The following AASS variants were observed in gnomAD, a reference collection of about 807,000 sequenced individuals.
The protein encoded by AASS is alpha-aminoadipic semialdehyde synthase, mitochondrial.
A neutral mutation model predicts 105.4 loss-of-function variants in AASS; 86 were observed. The observed-to-expected ratio is 0.82, with a 90% confidence interval of 0.69 to 0.98. The LOEUF (loss-of-function observed/expected upper bound fraction) is 0.98, where lower values mean the gene tolerates loss of function less well. Ranked by LOEUF, AASS falls within the 50% of genes least tolerant of loss-of-function variation. AASS has a pLI of 0.00. For missense variants in AASS, 1,048 were observed against 1,143.2 expected (o/e 0.92, Z 1.20); for synonymous variants, 381 against 394.8 (o/e 0.96, Z 0.41).
chr7:122,101,112 T>C lies in AASS; in HGVS notation c.1406+259A>G, dbSNP rs990114033. 1.5e-4 allele frequency among the ~76,000 whole-genome samples: 23 copies of C among 151,778 alleles called. No individual in the cohort carries two copies. The South Asian group carries it at 4.4e-3, about 29-fold the overall frequency. On this transcript the variant is annotated intron_variant, in intron 13 of 23. Coordinates refer to ENST00000417368, the MANE Select transcript of AASS (RefSeq NM_005763.4). ...GAAGCTACCTGAAGGACAATCCTTT[T>C]GGATTTTTGCTTGCTTACCCATACG...
chr7:122,094,416 T>C (rs1175755293), intron 15 of AASS, among the ~76,000 whole-genome samples: 1 of 152,174 alleles, frequency 6.6e-6, no homozygotes, highest in African/African-American at 2.4e-5. Flanking sequence ...TATTTTGTTT[T>C]TTTAATGAAC....
chr7:122,104,827 T>C (rs992682444), intron 11 of AASS, among the ~76,000 whole-genome samples: 2 of 152,126 alleles, frequency 1.3e-5, no homozygotes, highest in African/African-American at 4.8e-5. Flanking sequence ...TATCAGGTAC[T>C]ATGCTCACTA....
intron 1 of AASS, among the ~76,000 whole-genome samples, chr7:122,140,261 G>A (rs1039208334): frequency 3.3e-5 from 5 of 151,812 alleles, no homozygotes; most frequent in African/African-American, 1.2e-4. Flanking sequence ...TGAGGCAGGC[G>A]GATCACGAGG....
Position 122,115,129 on chromosome 7 carries a change from C to T in AASS, c.988G>A (p.Ala330Thr). 6.2e-7 allele frequency: 1 copy of T among 1,614,098 alleles called. No homozygotes were observed. Among genetic ancestry groups the T allele is most frequent in the Non-Finnish European group, 8.5e-7 (1 of 1,180,024 alleles). The change falls in exon 9 of 24, where the codon GCT (alanine) becomes ACT (threonine). Residue 330 changes from alanine (A) to threonine (T), a missense_variant. Ala to Thr is a moderately conservative substitution (Grantham distance 58). Transcript: ENST00000417368. ...LTRQDAQSLL[A>T]PGKFSPAGVE... ...CCAGCAGGTGAGAACTTGCCCGGAG[C>T]CAGGAGACTCTGAGCATCTTGGCGG... is the stretch of plus-strand genomic sequence containing the variant.
At position 122,119,038 on chromosome 7, in the gene AASS, C is replaced by T. The variant is rs1795321383; in HGVS notation, c.473-408G>A. On this transcript the variant is annotated intron_variant, in intron 4 of 23. Transcript: ENST00000417368. ...GCCTCCCATAACAAAAACAAATGAACAAACAAAAACAAAGTCACCATTAAC... is the reference window on the plus strand; with the variant it reads ...GCCTCCCATAACAAAAACAAATGAATAAACAAAAACAAAGTCACCATTAAC... Among the ~76,000 whole-genome samples, 3 of 152,004 alleles carry T rather than the reference C, an allele frequency of 2.0e-5. No homozygotes were observed. In the South Asian group the frequency reaches 6.2e-4, roughly 32 times the overall value.
chr7:122,142,543 C>T (rs1344122660), intron 1 of AASS, among the ~76,000 whole-genome samples: 2 of 152,084 alleles, frequency 1.3e-5, no homozygotes, highest in Admixed American at 6.6e-5. Context: ...TGTATTTCAT[C>T]AAATTTAAGA....
chr7:122,107,543 G>A (rs531105664), intron 11 of AASS, among the ~76,000 whole-genome samples: 18 of 152,104 alleles, frequency 1.2e-4, no homozygotes, highest in South Asian at 4.2e-4. Context: ...AGAACATGTG[G>A]TACACCATGG....
intron 20 of AASS, among the ~76,000 whole-genome samples, chr7:122,080,145 A>G (rs535377486): frequency 2.4e-4 from 36 of 152,326 alleles, no homozygotes; most frequent in African/African-American, 7.7e-4. Flanking sequence ...AAGAGATGAG[A>G]AAGTCCTTGC....
chr7:122,098,279 T>C (rs1794260101), intron 15 of AASS, among the ~76,000 whole-genome samples, 171 bp downstream of exon 15: 1 of 151,938 alleles, frequency 6.6e-6, no homozygotes, highest in African/African-American at 2.4e-5. Flanking sequence ...GTGTTCACTT[T>C]GTGAAAATTC....
chr7:122,119,197 T>A (rs969374820), intron 4 of AASS, among the ~76,000 whole-genome samples: 1 of 152,164 alleles, frequency 6.6e-6, no homozygotes, highest in African/African-American at 2.4e-5. Context: ...GCATCCCAAC[T>A]TGAAATTTTT....
intron 1 of AASS, among the ~76,000 whole-genome samples, chr7:122,134,182 C>T (rs1310799229): frequency 6.6e-6 from 1 of 152,138 alleles, no homozygotes; most frequent in Non-Finnish European, 1.5e-5. Context: ...TTAGTGCCAA[C>T]CTCTTTCCAG....
chr7:122,143,041 A>C (rs1358915343), intron 1 of AASS, among the ~76,000 whole-genome samples: 1 of 152,222 alleles, frequency 6.6e-6, no homozygotes, highest in Admixed American at 6.5e-5. Context: ...CAGGTTACAC[A>C]GTCAAGTCAT....
At position 122,111,052 on chromosome 7, in the gene AASS, A is replaced by G. The variant is rs1383255630; in HGVS notation, c.1278+2066T>C. ...ATCCACATCATCCAGGCCATAATCC[A>G]GAATTATTCAGTCTATGAAAACCAG... is the stretch of plus-strand genomic sequence containing the variant. On this transcript the variant is annotated intron_variant, in intron 11 of 23. Coordinates refer to ENST00000417368, the MANE Select transcript of AASS (RefSeq NM_005763.4). Among the ~76,000 whole-genome samples the G allele has an allele frequency of 5.3e-5, 8 of 152,162 alleles. No homozygotes were observed. The East Asian group carries it at 1.5e-3, about 29-fold the overall frequency.
intron 4 of AASS, among the ~76,000 whole-genome samples, chr7:122,125,430 G>A (rs937939927): frequency 6.6e-6 from 1 of 152,116 alleles, no homozygotes; most frequent in African/African-American, 2.4e-5. Context: ...TTTACTTCCT[G>A]CAGAAAGGGT....
At chr7:122,085,518 C>T (rs2215359) in intron 19 of AASS, among the ~76,000 whole-genome samples, 8,031 of 152,162 alleles carry the variant, frequency 0.053, 356 homozygotes, top group African/African-American at 0.12. Context: ...TTGACTCCAT[C>T]TCCAGTTCTA....
chr7:122,129,418 G>C lies in AASS; in HGVS notation c.330C>G (p.Ser110=), dbSNP rs748753593. The C allele has an allele frequency of 1.2e-6, 2 of 1,613,012 alleles. No individual in the cohort carries two copies. The highest frequency in any genetic ancestry group is 4.5e-5 in the East Asian group (2 of 44,748). ...TGGCCTCCTGAGCTTTTATTGTGTG[G>C]GAGAAAAATGCATAAGTCTTCCTGG... ...LMSRKTYAFF[S]HTIKAQEANM... Residue 110 remains serine (S), a synonymous_variant, in exon 3 of 24, where the codon TCC becomes TCG. Coordinates refer to ENST00000417368, the MANE Select transcript of AASS (RefSeq NM_005763.4).
At chr7:122,106,212 C>T (rs1276612283) in intron 11 of AASS, among the ~76,000 whole-genome samples, 1 of 151,966 alleles carries the variant, frequency 6.6e-6, no homozygotes, top group Non-Finnish European at 1.5e-5. Context: ...ATTTCTTTCT[C>T]TTGCCTGATT....
intron 3 of AASS, 117 bp from the exon 4 acceptor site, chr7:122,126,576 G>T: frequency 1.2e-6 from 1 of 838,376 alleles, no homozygotes; most frequent in Non-Finnish European, 2.0e-6. Context: ...ACCTTAACTT[G>T]CTAACAGAAG....
Position 122,098,450 on chromosome 7 carries a change from C to G in AASS, c.1655G>C (p.Ser552Thr). Residue 552 changes from serine to threonine, a missense_variant and splice_region_variant, in exon 15 of 24, where the codon AGC (serine) becomes ACC (threonine). Ser to Thr is a moderately conservative substitution (Grantham distance 58). Coordinates refer to ENST00000417368, the MANE Select transcript of AASS (RefSeq NM_005763.4). ...AACTCATTTCTTGCCAGATACTGAC[C>G]TGATGACAAGATCCTGTTTTGCCAC... is the stretch of plus-strand genomic sequence containing the variant. The part of the protein sequence containing the change: ...FLVAKQDLVI[S>T]LLPYVLHPLV... 6.2e-7 allele frequency: 1 copy of G among 1,611,794 alleles called. No individual in the cohort carries two copies. Among genetic ancestry groups the G allele is most frequent in the Non-Finnish European group, 8.5e-7 (1 of 1,178,584 alleles).
Sources: gnomAD v4.1 joint callset for allele counts (sites outside exome capture counted in the v4.1 genomes callset) on GRCh38, gnomAD v4.1.1 for gene constraint, MANE v1.5 for transcripts, NCBI Gene and HGNC (gene_info 2026-07-23, HGNC 2026-07-21) for gene names.